The following SLCO1B3 variants were observed in gnomAD, a reference collection of about 807,000 sequenced individuals.
SLCO1B3 encodes the protein solute carrier organic anion transporter family member 1B3, also known as liver-specific organic anion transporter 2.
In SLCO1B3, 72 loss-of-function variants were observed where a neutral mutation model predicts 71.8. The observed-to-expected ratio is 1.00, with a 90% CI of 0.83 to 1.22. The LOEUF (loss-of-function observed/expected upper bound fraction) is 1.22, where lower values mean the gene tolerates loss of function less well. Among genes scored for constraint, SLCO1B3 ranks in the 50% most tolerant of loss-of-function variants. The pLI is 0.00. For synonymous variants in SLCO1B3, 298 were observed against 278.4 expected, an observed-to-expected ratio of 1.07 and a Z score of -0.70; for missense variants, 911 against 819.7, an observed-to-expected ratio of 1.11 and a Z score of -1.36.
rs4149166 is a variant in SLCO1B3 at position 20,879,205 on chromosome 12, C to CTTTTTT, written c.1136-215_1136-210dup. Among the ~76,000 whole-genome samples, 118 of 95,202 alleles carry CTTTTTT rather than the reference C, an allele frequency of 1.2e-3. 2 individuals are homozygous for CTTTTTT. The highest frequency in any genetic ancestry group is 1.8e-3 in the Admixed American group (12 of 6,800). The allele number at this position is 95,202 out of a possible 152,430, so 62.5% of individuals were successfully genotyped here. On this transcript the variant is annotated intron_variant, in intron 10 of 15. Coordinates refer to ENST00000381545, the MANE Select transcript of SLCO1B3 (RefSeq NM_019844.4). The stretch of plus-strand genomic sequence containing the variant: ...CCACCCTAGTGTGCCACCCTTCTCT[C>CTTTTTT]TTTTTTTTTTTTTTTTTTTTTGAGA...
chr12:20,854,161 G>A (rs955619718), intron 3 of SLCO1B3, among the ~76,000 whole-genome samples: 2 of 152,112 alleles, frequency 1.3e-5, no homozygotes, highest in Non-Finnish European at 2.9e-5. Context: ...TTCTGCTGGA[G>A]AAAAGATGTA....
chr12:20,841,317 A>C (rs1864796395), intron 3 of SLCO1B3, among the ~76,000 whole-genome samples: 1 of 152,196 alleles, frequency 6.6e-6, no homozygotes, highest in Non-Finnish European at 1.5e-5. Context: ...CTTTTCTGCA[A>C]AAGTAGCACC....
At chr12:20,847,987 G>C (rs915105510) in intron 3 of SLCO1B3, among the ~76,000 whole-genome samples, 3 of 152,004 alleles carry the variant, frequency 2.0e-5, no homozygotes, top group African/African-American at 7.2e-5. Context: ...TAATAATACA[G>C]AATCTTGGAA....
chr12:20,859,483 GTTTT>G (rs139504676), intron 5 of SLCO1B3, among the ~76,000 whole-genome samples: 76,282 of 145,012 alleles, frequency 0.53, 22,981 homozygotes, highest in South Asian at 0.76. Flanking sequence ...TATGAATTCT[GTTTT>G]TTTCCCCCTC....
chr12:20,815,968 C>G, intron 3 of SLCO1B3, 146 bp downstream of exon 3: 1 of 482,496 alleles, frequency 2.1e-6, no homozygotes, highest in African/African-American at 2.0e-5. Context: ...ACAAAATAAT[C>G]CCTATATTGA....
intron 13 of SLCO1B3, among the ~76,000 whole-genome samples, chr12:20,893,233 A>G (rs1441543989): frequency 6.6e-6 from 1 of 152,158 alleles, no homozygotes; most frequent in Non-Finnish European, 1.5e-5. Context: ...GACTTTCCAG[A>G]AAAGAGGTCA....
Position 20,854,909 on chromosome 12 carries a change from TA to T in SLCO1B3, c.85-118del, listed in dbSNP as rs1394530575. ...TTCAACTTGTATAGGGAAAAATGGG[TA>T]TTTTTTTATGATAATGTTTTCGAGT... On this transcript the variant is annotated intron_variant, in intron 3 of 15. Coordinates refer to ENST00000381545, the MANE Select transcript of SLCO1B3 (RefSeq NM_019844.4). 16 of 903,312 alleles carry T rather than the reference TA, an allele frequency of 1.8e-5. No individual in the cohort carries two copies. The African/African-American group carries it at 2.4e-4, about 13-fold the overall frequency. The allele number at this position is 903,312 out of a possible 1,614,324, so 56.0% of individuals were successfully genotyped here.
intron 3 of SLCO1B3, among the ~76,000 whole-genome samples, chr12:20,834,662 A>C (rs1182058832): frequency 6.6e-6 from 1 of 151,962 alleles, no homozygotes; most frequent in African/African-American, 2.4e-5. Context: ...TGAATGACTG[A>C]TGCAAGAGGT....
At chr12:20,827,458 C>T (rs1257233104) in intron 3 of SLCO1B3, among the ~76,000 whole-genome samples, 3 of 152,020 alleles carry the variant, frequency 2.0e-5, no homozygotes, top group Non-Finnish European at 2.9e-5. Flanking sequence ...AGTAGTGAAA[C>T]GTACATGACA....
intron 11 of SLCO1B3, among the ~76,000 whole-genome samples, chr12:20,880,554 A>T (rs1865669519): frequency 6.6e-6 from 1 of 152,096 alleles, no homozygotes; most frequent in Admixed American, 6.5e-5. Flanking sequence ...CTCTTGTCTA[A>T]GTCTTATCTA....
At chr12:20,842,220 T>C (rs1055000562) in intron 3 of SLCO1B3, among the ~76,000 whole-genome samples, 1 of 152,146 alleles carries the variant, frequency 6.6e-6, no homozygotes, top group Non-Finnish European at 1.5e-5. Context: ...ATGAATTTTA[T>C]ATGTATCTTA....
At chr12:20,817,048 A>T (rs1292943381) in intron 3 of SLCO1B3, among the ~76,000 whole-genome samples, 1 of 152,146 alleles carries the variant, frequency 6.6e-6, no homozygotes, top group African/African-American at 2.4e-5. Context: ...TGATCGGATT[A>T]TTAGATTTGG....
chr12:20,811,243 T>A (rs1203440608), intron 1 of SLCO1B3, among the ~76,000 whole-genome samples: 1 of 152,156 alleles, frequency 6.6e-6, no homozygotes, highest in Non-Finnish European at 1.5e-5. Flanking sequence ...CTTTCCTCCA[T>A]TCAACTCGTT....
intron 3 of SLCO1B3, among the ~76,000 whole-genome samples, chr12:20,845,778 TTCTC>T (rs1432180400): frequency 1.3e-5 from 2 of 152,120 alleles, no homozygotes; most frequent in African/African-American, 4.8e-5. Context: ...TTTGTTGACT[TTCTC>T]TCTAGATCAT....
At chr12:20,827,613 C>T (rs1205374304) in intron 3 of SLCO1B3, among the ~76,000 whole-genome samples, 1 of 151,942 alleles carries the variant, frequency 6.6e-6, no homozygotes, top group Admixed American at 6.6e-5. Context: ...ACTCCGTTGC[C>T]CGGGCTGGAG....
At chr12:20,842,945 A>G (rs1255573881) in intron 3 of SLCO1B3, among the ~76,000 whole-genome samples, 1 of 152,132 alleles carries the variant, frequency 6.6e-6, no homozygotes, top group East Asian at 1.9e-4. Context: ...TGCCCTTCCC[A>G]CTGTGAGATT....
intron 3 of SLCO1B3, among the ~76,000 whole-genome samples, chr12:20,848,320 AAC>A (rs916473970): frequency 2.6e-4 from 40 of 152,302 alleles, no homozygotes; most frequent in African/African-American, 9.1e-4. Context: ...TAACATTCCA[AAC>A]ACAAAAAATG....
intron 3 of SLCO1B3, among the ~76,000 whole-genome samples, chr12:20,827,449 G>A (rs932139884): frequency 6.6e-6 from 1 of 152,050 alleles, no homozygotes; most frequent in African/African-American, 2.4e-5. Context: ...TATATTTTTA[G>A]TAGTGAAACG....
At position 20,909,372 on chromosome 12, in the gene SLCO1B3, G is replaced by A. The variant is rs368251796; in HGVS notation, c.1866-6632G>A. 6.0e-4 allele frequency among the ~76,000 whole-genome samples: 87 copies of A among 144,694 alleles called. 2 individuals are homozygous for A. Among genetic ancestry groups the A allele is most frequent in the South Asian group, 6.0e-3 (27 of 4,532 alleles). The allele number at this position is 144,694 out of a possible 152,430, so 94.9% of individuals were successfully genotyped here. The stretch of plus-strand genomic sequence containing the variant: ...GTATTTTTAGTAGAGACAGGGTTTC[G>A]CCATGTTAGCCAGGATGGTCTTGAT... On this transcript the variant is annotated intron_variant, in intron 15 of 15. Transcript: ENST00000381545.
Sources: allele counts gnomAD v4.1 joint callset (sites outside exome capture counted in the v4.1 genomes callset), GRCh38; gene constraint gnomAD v4.1.1; transcripts MANE v1.5; gene names NCBI Gene and HGNC (gene_info 2026-07-23, HGNC 2026-07-21).